The following CXorf58 variants were observed in gnomAD, a reference collection of about 807,000 sequenced individuals.
CXorf58 encodes uncharacterized protein CXorf58.
Under a neutral mutation model 26.0 loss-of-function variants are expected in CXorf58, and 24 were observed. The observed-to-expected ratio is 0.92, with a 90% confidence interval of 0.67 to 1.30. The LOEUF (loss-of-function observed/expected upper bound fraction) is 1.30, where lower values mean the gene tolerates loss of function less well. CXorf58 is among the 50% of genes most tolerant of loss of function. CXorf58 has a pLI of 0.00. For missense variants in CXorf58, 236 were observed against 263.9 expected (o/e 0.89, Z 0.73); for synonymous variants, 87 against 86.1 (o/e 1.01, Z -0.06).
intron 6 of CXorf58, among the ~76,000 whole-genome samples, chrX:23,928,041 CA>C (rs1286196257): frequency 9.9e-5 from 11 of 111,571 alleles, no homozygotes; most frequent in South Asian, 7.4e-4. Flanking sequence ...TAAAGGAAAT[CA>C]TGTGATATAT....
chrX:23,918,002 G>A (rs891655796), intron 5 of CXorf58, among the ~76,000 whole-genome samples: 2 of 110,882 alleles, frequency 1.8e-5, no homozygotes, highest in Non-Finnish European at 3.8e-5. Context: ...CACCACGCCC[G>A]GCTAATTTTT....
chrX:23,917,824 AAACCAC>A (rs755733965), intron 5 of CXorf58, among the ~76,000 whole-genome samples: 64 of 110,901 alleles, frequency 5.8e-4, no homozygotes, highest in African/African-American at 2.0e-3. Context: ...GCTGGTCCAT[AAACCAC>A]ACTTTATTTT....
intron 6 of CXorf58, among the ~76,000 whole-genome samples, chrX:23,929,118 G>T (rs948375294): frequency 1.1e-4 from 12 of 111,366 alleles, no homozygotes; most frequent in African/African-American, 3.9e-4. Flanking sequence ...TTAGTGGTCT[G>T]GATAGAAAAT....
chrX:23,937,681 T>C (rs973010577), intron 7 of CXorf58, among the ~76,000 whole-genome samples: 1 of 110,507 alleles, frequency 9.0e-6, no homozygotes, highest in Non-Finnish European at 1.9e-5. Flanking sequence ...CGCCTTGGCC[T>C]CCCAAAGTGC....
intron 3 of CXorf58, among the ~76,000 whole-genome samples, chrX:23,913,352 T>A (rs1388052159): frequency 9.2e-6 from 1 of 108,702 alleles, no homozygotes; most frequent in Non-Finnish European, 1.9e-5. Flanking sequence ...AGCTAATTTT[T>A]TTTTTTTTGT....
chrX:23,934,813 C>T (rs188016271), intron 6 of CXorf58, among the ~76,000 whole-genome samples: 5 of 110,442 alleles, frequency 4.5e-5, no homozygotes, highest in East Asian at 2.8e-4. Flanking sequence ...TGTGAGCCAC[C>T]GCACCTGGCC....
chrX:23,938,166 G>C (rs748302792), intron 7 of CXorf58, among the ~76,000 whole-genome samples: 1 of 111,397 alleles, frequency 9.0e-6, no homozygotes, highest in African/African-American at 3.3e-5. Context: ...GAGATTACGG[G>C]CATGAGCCAC....
chrX:23,929,263 G>T (rs1928091736), intron 6 of CXorf58, among the ~76,000 whole-genome samples: 1 of 108,863 alleles, frequency 9.2e-6, no homozygotes, highest in Non-Finnish European at 1.9e-5. Context: ...AAAATTAGCC[G>T]GGCATGGTGG....
chrX:23,933,176 G>T (rs1467280793), intron 6 of CXorf58, among the ~76,000 whole-genome samples: 1 of 109,366 alleles, frequency 9.1e-6, no homozygotes, highest in East Asian at 2.9e-4. Flanking sequence ...AGGTAGGATT[G>T]CCTGTGTGTG....
chrX:23,932,469 G>C (rs779559430), intron 6 of CXorf58, among the ~76,000 whole-genome samples: 31 of 111,983 alleles, frequency 2.8e-4, no homozygotes, highest in Admixed American at 6.7e-4. Flanking sequence ...ACCACTTTTT[G>C]TTTCTTTGAC....
chrX:23,929,573 G>A (rs1030171241), intron 6 of CXorf58, among the ~76,000 whole-genome samples: 5 of 111,905 alleles, frequency 4.5e-5, no homozygotes, highest in African/African-American at 9.7e-5. Context: ...AGGTTGGTTC[G>A]TGAAGTTTAG....
chrX:23,910,527 G>A, intron 2 of CXorf58, 109 bp downstream of exon 2: 1 of 458,370 alleles, frequency 2.2e-6, no homozygotes, highest in South Asian at 3.2e-5. Context: ...CAAAGTTTTT[G>A]TGTTTTAAAA....
intron 7 of CXorf58, 147 bp downstream of exon 7, chrX:23,935,572 C>A: frequency 2.2e-6 from 1 of 454,475 alleles, no homozygotes; most frequent in Non-Finnish European, 3.7e-6. Flanking sequence ...ATTTTGTAAA[C>A]AGAGCACTAA....
chrX:23,924,371 G>T (rs1446137513), intron 5 of CXorf58, among the ~76,000 whole-genome samples: 2 of 108,388 alleles, frequency 1.8e-5, no homozygotes, highest in East Asian at 2.9e-4. Context: ...GCCCAGGCTG[G>T]AGTGCAGTGG....
At chrX:23,937,084 T>C (rs1050072404) in intron 7 of CXorf58, among the ~76,000 whole-genome samples, 6 of 112,274 alleles carry the variant, frequency 5.3e-5, no homozygotes, top group Non-Finnish European at 7.5e-5. Context: ...AGTTGTAGTT[T>C]AGCATCTCCC....
intron 6 of CXorf58, among the ~76,000 whole-genome samples, chrX:23,929,047 T>C (rs759440229): frequency 9.0e-6 from 1 of 111,645 alleles, no homozygotes; most frequent in East Asian, 2.8e-4. Flanking sequence ...AAAGTGCTAC[T>C]CCAGCGAACA....
At chrX:23,933,886 A>C (rs757126328) in intron 6 of CXorf58, among the ~76,000 whole-genome samples, 6,711 of 104,461 alleles carry the variant, frequency 0.064, 451 homozygotes, top group African/African-American at 0.21. Context: ...GTCCCCCCCA[A>C]AAAAAAAAAA....
At chrX:23,923,477 C>CA (rs200776673) in intron 5 of CXorf58, among the ~76,000 whole-genome samples, 12,144 of 98,609 alleles carry the variant, frequency 0.12, 924 homozygotes, top group East Asian at 0.51. Flanking sequence ...ACTAAAAATA[C>CA]AAAAAAAAAA....
intron 1 of CXorf58, among the ~76,000 whole-genome samples, chrX:23,910,076 T>G (rs984163593): frequency 1.9e-4 from 21 of 111,924 alleles, no homozygotes; most frequent in Non-Finnish European, 3.4e-4. Flanking sequence ...TAGAAGGCTA[T>G]GGATAGATTT....
Sources: allele counts gnomAD v4.1 joint callset (sites outside exome capture counted in the v4.1 genomes callset), GRCh38; gene constraint gnomAD v4.1.1; transcripts MANE v1.5; gene names NCBI Gene and HGNC (gene_info 2026-07-23, HGNC 2026-07-21).